Variants in PPDPFL observed in about 807,000 individuals in gnomAD.
The protein encoded by PPDPFL is pancreatic progenitor cell differentiation and proliferation factor-like protein.
In PPDPFL, 12 loss-of-function variants were observed where a neutral mutation model predicts 12.6. That is an observed-to-expected ratio of 0.95 (90% confidence interval 0.61 to 1.54). The LOEUF (loss-of-function observed/expected upper bound fraction) is 1.54, where lower values mean the gene tolerates loss of function less well. PPDPFL is among the 40% of genes most tolerant of loss of function. PPDPFL has a pLI of 0.00. For synonymous variants in PPDPFL, 24 were observed against 32.7 expected (o/e 0.73, Z 0.91); for missense variants, 114 against 96.0 (o/e 1.19, Z -0.78).
chr8:49,064,216 C>A (rs543495922), intron 1 of PPDPFL, among the ~76,000 whole-genome samples: 1 of 152,256 alleles, frequency 6.6e-6, no homozygotes, highest in Admixed American at 6.5e-5. Context: ...TGCACCTTTC[C>A]CACACATGCA....
chr8:49,071,807 C>T (rs982844770), upstream of PPDPFL, among the ~76,000 whole-genome samples: 1 of 152,014 alleles, frequency 6.6e-6, no homozygotes, highest in African/African-American at 2.4e-5. Flanking sequence ...CTTGTCATTC[C>T]TGCTAGAATT....
chr8:49,074,780 G>T (rs966358714), intron 4 of PPDPFL: 1 of 1,432,534 alleles, frequency 7.0e-7, no homozygotes, highest in African/African-American at 1.4e-5. Context: ...GTGTGCAGTT[G>T]TTTTCAGACA....
rs150274911 is a variant in PPDPFL, at chr8:49,066,573, C to T, written c.-44-6214C>T. Reference sequence around the variant, plus strand: ...TCGGGAAAGCATATGAGCCAGGGGTCAGTAAGAGAGGGCACTCTGAGCCCC... The same window carrying T: ...TCGGGAAAGCATATGAGCCAGGGGTTAGTAAGAGAGGGCACTCTGAGCCCC... On this transcript the variant is annotated intron_variant, in intron 1 of 4. Transcript: ENST00000517663. Among the ~76,000 whole-genome samples, 4 of 152,162 alleles carry T rather than the reference C, an allele frequency of 2.6e-5. No homozygotes were observed. In the East Asian group the frequency reaches 7.7e-4, roughly 29 times the overall value.
At chr8:49,073,263 C>T (rs1309361012) in intron 2 of PPDPFL, among the ~76,000 whole-genome samples, 2 of 152,202 alleles carry the variant, frequency 1.3e-5, no homozygotes, top group African/African-American at 2.4e-5. Flanking sequence ...CAAAAATTTT[C>T]TAATTTCCAT....
At chr8:49,059,362 C>T (rs1808160375) in intron 1 of PPDPFL, among the ~76,000 whole-genome samples, 1 of 152,000 alleles carries the variant, frequency 6.6e-6, no homozygotes, top group African/African-American at 2.4e-5. Flanking sequence ...ATGAGGTAGC[C>T]AGGGGAGTAA....
At chr8:49,060,706 G>T (rs1332557248) in intron 1 of PPDPFL, among the ~76,000 whole-genome samples, 1 of 152,092 alleles carries the variant, frequency 6.6e-6, no homozygotes, top group African/African-American at 2.4e-5. Context: ...TTTTATACCA[G>T]AAAATATGGA....
chr8:49,055,164 C>T (rs993466093), intron 1 of PPDPFL, among the ~76,000 whole-genome samples: 2 of 151,734 alleles, frequency 1.3e-5, no homozygotes, highest in African/African-American at 2.4e-5. Flanking sequence ...TATGATTTTA[C>T]TTTGTTAAGT....
At chr8:49,061,321 A>C (rs1289893949) in intron 1 of PPDPFL, among the ~76,000 whole-genome samples, 2 of 152,190 alleles carry the variant, frequency 1.3e-5, no homozygotes, top group African/African-American at 4.8e-5. Context: ...CAGAGAGAAG[A>C]CTATGAGCCA....
intron 1 of PPDPFL, among the ~76,000 whole-genome samples, chr8:49,066,061 A>G (rs916430567): frequency 6.6e-6 from 1 of 152,264 alleles, no homozygotes; most frequent in African/African-American, 2.4e-5. Flanking sequence ...AAAGAAGTCC[A>G]CGCCAAGTGG....
At position 49,075,356 on chromosome 8, in the gene PPDPFL, G is replaced by A. The variant is rs1028947476; in HGVS notation, c.*183G>A. The A allele has an allele frequency of 3.3e-6, 4 of 1,205,066 alleles. No individual in the cohort carries two copies. In the African/African-American group the frequency reaches 4.5e-5, roughly 14 times the overall value. 74.6% of individuals were successfully genotyped at this position (1,205,066 alleles called of 1,614,324 possible). ...TTCTCCATTGTAAGAAGACAGAAAT[G>A]TGTCTGAGATCTCATTTATGAGACA... On this transcript the variant is annotated 3_prime_UTR_variant, in exon 5 of 5. Coordinates refer to ENST00000522267, the MANE Select transcript of PPDPFL (RefSeq NM_001256597.2).
chr8:49,060,504 G>A (rs1336700564), intron 1 of PPDPFL, among the ~76,000 whole-genome samples: 1 of 151,998 alleles, frequency 6.6e-6, no homozygotes, highest in East Asian at 1.9e-4. Flanking sequence ...GTAGAGACAG[G>A]GTTTCTCCAT....
Position 49,075,409 on chromosome 8 carries a change from A to G in PPDPFL, c.*236A>G, listed in dbSNP as rs1445181163. On this transcript the variant is annotated 3_prime_UTR_variant, in exon 5 of 5. Transcript: ENST00000522267. The stretch of plus-strand genomic sequence containing the variant: ...ATCACAGCAGCCACTGATATAAAAA[A>G]AGTTTAGGCATTTTTCTCAACACAA... 1.3e-6 allele frequency: 1 copy of G among 799,870 alleles called. No individual in the cohort carries two copies. The highest frequency in any genetic ancestry group is 2.2e-5 in the Admixed American group (1 of 45,908). 49.5% of individuals were successfully genotyped at this position (799,870 alleles called of 1,614,324 possible). A position where few individuals can be genotyped will look rare whatever the true frequency, so the allele number is the denominator to read the frequency against.
intron 1 of PPDPFL, among the ~76,000 whole-genome samples, chr8:49,054,922 T>A (rs1461593301): frequency 6.6e-6 from 1 of 152,150 alleles, no homozygotes; most frequent in African/African-American, 2.4e-5. Flanking sequence ...ATTCTTTAAA[T>A]TTTTTGTTGG....
chr8:49,075,282 G>T lies in PPDPFL; in HGVS notation c.*109G>T, dbSNP rs1349245517. ...TCAAGATCCTCTGCCTGCTGCAGTGGTCCATACATGAACAGCTCCCCTTCA... is the reference window on the plus strand; with the variant it reads ...TCAAGATCCTCTGCCTGCTGCAGTGTTCCATACATGAACAGCTCCCCTTCA... On this transcript the variant is annotated 3_prime_UTR_variant, in exon 5 of 5. Transcript: ENST00000522267. 6.2e-7 allele frequency: 1 copy of T among 1,613,136 alleles called. No individual in the cohort carries two copies. Among genetic ancestry groups the T allele is most frequent in the Non-Finnish European group, 8.5e-7 (1 of 1,179,164 alleles).
chr8:49,071,228 C>G (rs1446504230), upstream of PPDPFL, among the ~76,000 whole-genome samples: 3 of 152,136 alleles, frequency 2.0e-5, no homozygotes, highest in Non-Finnish European at 4.4e-5. Context: ...AATTTTTTAG[C>G]AATGTATACG....
Position 49,075,220 on chromosome 8 carries a change from G to T in PPDPFL, c.*47G>T. 6.2e-7 allele frequency: 1 copy of T among 1,613,962 alleles called. No individual in the cohort carries two copies. Among genetic ancestry groups the T allele is most frequent in the Non-Finnish European group, 8.5e-7 (1 of 1,179,874 alleles). The stretch of plus-strand genomic sequence containing the variant: ...TTTGATGAACATGTTGGTAACGGTT[G>T]CCTGCCTTATGTAGCATGAACAGTT... On this transcript the variant is annotated 3_prime_UTR_variant, in exon 5 of 5. Transcript: ENST00000522267.
upstream of PPDPFL, among the ~76,000 whole-genome samples, chr8:49,068,949 T>A (rs1304407674): frequency 3.3e-5 from 5 of 152,000 alleles, no homozygotes; most frequent in Admixed American, 2.6e-4. Context: ...TAGGAAAAAA[T>A]ACAGTTAAAG....
Position 49,072,821 on chromosome 8 carries a change from GGGTAA to G in PPDPFL, c.-9_-5del, listed in dbSNP as rs779184098. 7 of 1,595,314 alleles carry G rather than the reference GGGTAA, an allele frequency of 4.4e-6. No homozygotes were observed. The highest frequency in any genetic ancestry group is 1.4e-5 in the African/African-American group (1 of 73,602). On this transcript the variant is annotated 5_prime_UTR_variant, in exon 2 of 5. It removes the in-frame stop codon of an upstream open reading frame in the 5' UTR. Coordinates refer to ENST00000522267, the MANE Select transcript of PPDPFL (RefSeq NM_001256597.2). ...CACAGCTTCTTGGGTGCTTTCTCAC[GGGTAA>G]AGCCATGGCATCCGTACCTTCCATT... is the stretch of plus-strand genomic sequence containing the variant.
intron 1 of PPDPFL, among the ~76,000 whole-genome samples, chr8:49,055,006 C>T (rs924244159): frequency 6.6e-6 from 1 of 152,088 alleles, no homozygotes; most frequent in African/African-American, 2.4e-5. Context: ...CTGTTGAGCT[C>T]CATGATGCTT....
Sources: allele counts gnomAD v4.1 joint callset (sites outside exome capture counted in the v4.1 genomes callset), GRCh38; gene constraint gnomAD v4.1.1; transcripts MANE v1.5; gene names NCBI Gene and HGNC (gene_info 2026-07-23, HGNC 2026-07-21).